Variants in PRKCA observed in about 807,000 individuals in gnomAD.
The protein encoded by PRKCA is protein kinase C alpha type.
In PRKCA, 27 loss-of-function variants were observed where a neutral mutation model predicts 87.0. The ratio of observed to expected loss-of-function variants is 0.31; its 90% CI spans 0.23 to 0.43. The LOEUF is 0.43. Among genes scored for constraint, PRKCA ranks in the 20% least tolerant of loss-of-function variants. The pLI, the probability that PRKCA is intolerant of heterozygous loss-of-function variation, is 1.00. For missense variants in PRKCA, 518 were observed against 852.3 expected (o/e 0.61, Z 4.88); for synonymous variants, 329 against 311.1 (o/e 1.06, Z -0.61).
chr17:66,611,255 G>A (rs1229211194), intron 3 of PRKCA, among the ~76,000 whole-genome samples: 2 of 152,038 alleles, frequency 1.3e-5, no homozygotes, highest in African/African-American at 4.8e-5. Flanking sequence ...TTTTGTGTAT[G>A]CCTAGAGTTG....
rs191391394 is a variant in PRKCA at position 66,585,750 on chromosome 17, G to A, written c.289-55605G>A. 5.3e-5 allele frequency among the ~76,000 whole-genome samples: 8 copies of A among 152,306 alleles called. 1 individual carries two copies. In the East Asian group the frequency reaches 1.5e-3, roughly 29 times the overall value. The stretch of plus-strand genomic sequence containing the variant: ...TGTTCTTGAGACTGGAACCTGGAGG[G>A]CATTATTAAATGTCTCCCAGCCTTG... On this transcript the variant is annotated intron_variant, in intron 3 of 16. Transcript: ENST00000413366.
chr17:66,540,125 C>T (rs977195751), intron 3 of PRKCA, among the ~76,000 whole-genome samples: 1 of 152,266 alleles, frequency 6.6e-6, no homozygotes, highest in South Asian at 2.1e-4. Flanking sequence ...GAACCCTAGG[C>T]CAGCAAACTT....
chr17:66,536,897 A>G (rs1967807186), intron 3 of PRKCA, among the ~76,000 whole-genome samples: 1 of 152,208 alleles, frequency 6.6e-6, no homozygotes, highest in African/African-American at 2.4e-5. Flanking sequence ...TGCTTGATAG[A>G]TAGAGGTGAA....
chr17:66,733,210 A>T (rs1405313807), intron 9 of PRKCA, among the ~76,000 whole-genome samples: 1 of 151,760 alleles, frequency 6.6e-6, no homozygotes, highest in Non-Finnish European at 1.5e-5. Flanking sequence ...GACCACCAGG[A>T]TGGCTAAATG....
In PRKCA at chr17:66,375,830, G is replaced by A. The variant is rs554340460; in HGVS notation, c.205+69703G>A. On this transcript the variant is annotated intron_variant, in intron 2 of 16. Coordinates refer to ENST00000413366, the MANE Select transcript of PRKCA (RefSeq NM_002737.3). ...CTCCTGGCCAGCCCTGTCCATAGGA[G>A]CCATATGGACCCGGCATGTGGCTTA... Among the ~76,000 whole-genome samples, 13 of 152,252 alleles carry A rather than the reference G, an allele frequency of 8.5e-5. No homozygotes were observed. In the East Asian group the frequency reaches 2.3e-3, roughly 27 times the overall value.
Position 66,393,592 on chromosome 17 carries a change from C to A in PRKCA, c.205+87465C>A, listed in dbSNP as rs534004460. On this transcript the variant is annotated intron_variant, in intron 2 of 16. Transcript: ENST00000413366. ...CTGGGTGTGTGCAGAGGGCGGATAGCACATGGGTCCCTGCAGGAGGCCTCT... is the reference window on the plus strand; with the variant it reads ...CTGGGTGTGTGCAGAGGGCGGATAGAACATGGGTCCCTGCAGGAGGCCTCT... Among the ~76,000 whole-genome samples, 5 of 152,210 alleles carry A rather than the reference C, an allele frequency of 3.3e-5. No homozygotes were observed. The South Asian group carries it at 1.0e-3, about 32-fold the overall frequency.
At chr17:66,440,428 T>C (rs1321470698) in intron 2 of PRKCA, among the ~76,000 whole-genome samples, 2 of 152,240 alleles carry the variant, frequency 1.3e-5, no homozygotes, top group African/African-American at 4.8e-5. Context: ...AGCACATGTC[T>C]CCATCTCCTG....
intron 14 of PRKCA, chr17:66,777,815 A>T (rs1598935594): frequency 1.0e-6 from 1 of 985,408 alleles, no homozygotes; most frequent in Non-Finnish European, 1.2e-6. Context: ...TCACGTGAGT[A>T]GACTCTTGGC....
intron 2 of PRKCA, among the ~76,000 whole-genome samples, chr17:66,333,253 C>G (rs1389872818): frequency 6.6e-6 from 1 of 152,120 alleles, no homozygotes; most frequent in Non-Finnish European, 1.5e-5. Flanking sequence ...CTGGGTTTAC[C>G]TATTAGAAAA....
At chr17:66,665,569 C>T (rs140798094) in intron 5 of PRKCA, among the ~76,000 whole-genome samples, 2 of 152,272 alleles carry the variant, frequency 1.3e-5, no homozygotes, top group Non-Finnish European at 2.9e-5. Flanking sequence ...CTCACTCCTC[C>T]ATGCCGGATT....
chr17:66,507,838 C>G (rs549818531), intron 3 of PRKCA, among the ~76,000 whole-genome samples: 44 of 152,260 alleles, frequency 2.9e-4, no homozygotes, highest in African/African-American at 9.4e-4. Context: ...AGCCGAGTCC[C>G]ATTCAGTTAG....
intron 3 of PRKCA, among the ~76,000 whole-genome samples, chr17:66,632,515 G>T (rs1276084230): frequency 1.3e-5 from 2 of 152,054 alleles, no homozygotes; most frequent in South Asian, 4.1e-4. Flanking sequence ...GAGTAGCTGG[G>T]ACTAAAGGCA....
intron 2 of PRKCA, among the ~76,000 whole-genome samples, chr17:66,447,296 C>G (rs986508954): frequency 6.6e-6 from 1 of 152,120 alleles, no homozygotes; most frequent in South Asian, 2.1e-4. Flanking sequence ...ATTCATTGTC[C>G]TCTGAGTAGC....
At chr17:66,454,446 T>C (rs1914487241) in intron 2 of PRKCA, among the ~76,000 whole-genome samples, 1 of 152,108 alleles carries the variant, frequency 6.6e-6, no homozygotes, top group Non-Finnish European at 1.5e-5. Context: ...TTTGGGTGTT[T>C]AGGGTTGGAG....
At chr17:66,327,366 C>CAAAA (rs769256839) in intron 2 of PRKCA, among the ~76,000 whole-genome samples, 1 of 80,012 alleles carries the variant, frequency 1.2e-5, no homozygotes, top group Non-Finnish European at 2.3e-5. Context: ...AACTCTGTCT[C>CAAAA]AAAAAAAAAA....
At chr17:66,330,710 T>C (rs542172836) in intron 2 of PRKCA, among the ~76,000 whole-genome samples, 16 of 152,294 alleles carry the variant, frequency 1.1e-4, no homozygotes, top group Admixed American at 4.6e-4. Context: ...ATTTGGAAGA[T>C]TGTGTACACT....
chr17:66,393,665 T>G (rs562120809), intron 2 of PRKCA, among the ~76,000 whole-genome samples: 1 of 151,308 alleles, frequency 6.6e-6, no homozygotes, highest in Non-Finnish European at 1.5e-5. Context: ...TGTGTGTGTG[T>G]GCGCCGTCAA....
rs1555602396 is a variant in PRKCA at position 66,424,568 on chromosome 17, A to AAACACACACACACACAC, written c.206-71632_206-71631insACACACACACACACACA. Among the ~76,000 whole-genome samples, 622 of 142,044 alleles carry AAACACACACACACACAC rather than the reference A, an allele frequency of 4.4e-3. 6 individuals carry two copies. Among genetic ancestry groups the AAACACACACACACACAC allele is most frequent in the South Asian group, 0.015 (63 of 4,250 alleles). 93.2% of individuals were successfully genotyped at this position (142,044 alleles called of 152,430 possible). On this transcript the variant is annotated intron_variant, in intron 2 of 16. Coordinates refer to ENST00000413366, the MANE Select transcript of PRKCA (RefSeq NM_002737.3). Reference sequence around the variant, plus strand: ...GGCAGCAGAGCACGACCCTGTCTCAAACACACACACACACACACACACACA... The same window carrying AAACACACACACACACAC: ...GGCAGCAGAGCACGACCCTGTCTCAAAACACACACACACACACACACACACACACACACACACACACA...
chr17:66,423,923 T>C (rs1912635413), intron 2 of PRKCA, among the ~76,000 whole-genome samples: 1 of 152,120 alleles, frequency 6.6e-6, no homozygotes, highest in Non-Finnish European at 1.5e-5. Context: ...CTTTAGCTAA[T>C]AGAATCAAGT....
Sources: gnomAD v4.1 joint callset for allele counts (sites outside exome capture counted in the v4.1 genomes callset) on GRCh38, gnomAD v4.1.1 for gene constraint, MANE v1.5 for transcripts, NCBI Gene and HGNC (gene_info 2026-07-23, HGNC 2026-07-21) for gene names.